Variants in APOB observed in about 807,000 individuals in gnomAD.
The protein encoded by APOB is apolipoprotein B.
A neutral mutation model predicts 314.1 loss-of-function variants in APOB; 153 were observed. The ratio of observed to expected loss-of-function variants is 0.49; its 90% CI spans 0.43 to 0.56. The LOEUF (loss-of-function observed/expected upper bound fraction) is 0.56. Among genes scored for constraint, APOB ranks in the 20% least tolerant of loss-of-function variants. The pLI is 0.00. For synonymous variants in APOB, 2,087 were observed against 2,036.4 expected (o/e 1.02, Z -0.67); for missense variants, 5,430 against 5,350.7 (o/e 1.01, Z -0.46).
intron 15 of APOB, among the ~76,000 whole-genome samples, chr2:21,025,514 T>C (rs1663707521): frequency 1.3e-5 from 2 of 152,144 alleles, no homozygotes; most frequent in Non-Finnish European, 1.5e-5. Flanking sequence ...AAAATGTAGC[T>C]GTTATATAAA....
At chr2:21,031,147 G>A (rs545558841) in intron 10 of APOB, among the ~76,000 whole-genome samples, 101 of 152,342 alleles carry the variant, frequency 6.6e-4, no homozygotes, top group African/African-American at 2.3e-3. Flanking sequence ...AAGGAAACCT[G>A]CACCCATATG....
Position 21,006,250 on chromosome 2 carries a change from C to T in APOB, c.10618G>A (p.Asp3540Asn). 1 of 1,614,034 alleles carries T rather than the reference C, an allele frequency of 6.2e-7. No individual in the cohort carries two copies. The highest frequency in any genetic ancestry group is 8.5e-7 in the Non-Finnish European group (1 of 1,179,972). Residue 3540 changes from aspartate (D) to asparagine (N), a missense_variant, in exon 26 of 29, where the codon GAT becomes AAT. Around this residue, in one of 3 missense-constraint regions of APOB, gnomAD observed 3,281 missense variants for 3,171.0 expected, o/e 1.03. Transcript: ENST00000233242. Reference protein sequence around the residue: ...VKLQGTSKIDDIWNLEVKENF... With the variant: ...VKLQGTSKIDNIWNLEVKENF... ...TCTTTTACTTCAAGGTTCCAGATATCATCAATTTTGGAAGTGCCCTGCAGC... is the reference window on the plus strand; with the variant it reads ...TCTTTTACTTCAAGGTTCCAGATATTATCAATTTTGGAAGTGCCCTGCAGC...
intron 20 of APOB, 43 bp from the exon 21 acceptor site, chr2:21,016,692 G>A: frequency 7.2e-7 from 1 of 1,380,824 alleles, no homozygotes; most frequent in Non-Finnish European, 1.0e-6. Context: ...GTGGTAAGAA[G>A]CTATGTTTTG....
chr2:21,019,045 T>A lies in APOB; in HGVS notation c.3068A>T (p.Gln1023Leu). 2 of 1,614,116 alleles carry A rather than the reference T, an allele frequency of 1.2e-6. No individual in the cohort carries two copies. Among genetic ancestry groups the A allele is most frequent in the Non-Finnish European group, 8.5e-7 (1 of 1,180,020 alleles). ...QYSVSATYEL[Q>L]REDRALVDTL... Reference sequence around the variant, plus strand: ...ATCCACCAAGGCTCTGTCCTCTCTCTGGAGCTCATAGGTTGCGCTGACAGA... The same window carrying A: ...ATCCACCAAGGCTCTGTCCTCTCTCAGGAGCTCATAGGTTGCGCTGACAGA... The change falls in exon 20 of 29, where the codon CAG (glutamine) becomes CTG (leucine). Residue 1023 changes from glutamine (Q) to leucine (L), a missense_variant. Gln to Leu is a moderately radical substitution (Grantham distance 113, BLOSUM62 -2). Around this residue, in one of 3 missense-constraint regions of APOB, gnomAD observed 2,085 missense variants for 2,079.7 expected, o/e 1.00. Coordinates refer to ENST00000233242, the MANE Select transcript of APOB (RefSeq NM_000384.3).
At position 21,008,306 on chromosome 2, in the gene APOB, T is replaced by G. The variant is rs1300726104; in HGVS notation, c.8562A>C (p.Ser2854=). ...CTGTGTGTAAACTTGCCACTGTGTT[T>G]GATTTTCCCTCAATAGCATTTCCAA... ...LFFGNAIEGK[S]NTVASLHTEK... is the part of the protein sequence containing the mutation. Residue 2854 remains serine, a synonymous_variant, in exon 26 of 29, where the codon TCA becomes TCC. Coordinates refer to ENST00000233242, the MANE Select transcript of APOB (RefSeq NM_000384.3). 2 of 1,613,362 alleles carry G rather than the reference T, an allele frequency of 1.2e-6. No individual in the cohort carries two copies. Among genetic ancestry groups the G allele is most frequent in the Non-Finnish European group, 1.7e-6 (2 of 1,179,408 alleles).
At chr2:21,019,973 A>C in intron 18 of APOB, 68 bp from the exon 19 acceptor site, 26 of 1,501,954 alleles carry the variant, frequency 1.7e-5, no homozygotes, top group Middle Eastern at 1.7e-4. Flanking sequence ...ACAAATTCTC[A>C]GGGTGCAAAT....
rs1045163743 is a variant in APOB, at chr2:21,015,103, A to T, written c.3666T>A (p.Thr1222=). ...TTAATTTGGAACCCACGTGCCGGAA[A>T]GTCATGTCTGTTTGAGGGACTCTGT... ...LDHRVPQTDM[T]FRHVGSKLIV... The change falls in exon 23 of 29, where the codon ACT becomes ACA. Residue 1222 remains threonine, a synonymous_variant. Transcript: ENST00000233242. The T allele has an allele frequency of 3.1e-6, 5 of 1,614,216 alleles. No homozygotes were observed. The highest frequency in any genetic ancestry group is 4.2e-6 in the Non-Finnish European group (5 of 1,180,048).
intron 20 of APOB, among the ~76,000 whole-genome samples, chr2:21,018,712 T>C (rs988979228): frequency 6.6e-6 from 1 of 152,208 alleles, no homozygotes; most frequent in Non-Finnish European, 1.5e-5. Flanking sequence ...GTTTTCCTCC[T>C]CAGTACTTAT....
rs775274391 is a variant in APOB at position 21,009,688 on chromosome 2, C to A, written c.7180G>T (p.Val2394Phe). ...VKIKDYFEKL[V>F]GFIDDAVKKL... is the part of the protein sequence containing the mutation. ...TTGACAGCATCATCAATAAATCCAA[C>A]CAATTTCTCAAAGTAATCTTTTATC... Residue 2394 changes from valine to phenylalanine, a missense_variant, in exon 26 of 29, where the codon GTT (valine) becomes TTT (phenylalanine). Physicochemically the swap from Val to Phe is conservative, Grantham distance 50 (BLOSUM62 -1). Coordinates refer to ENST00000233242, the MANE Select transcript of APOB (RefSeq NM_000384.3). 13 of 1,613,124 alleles carry A rather than the reference C, an allele frequency of 8.1e-6. No homozygotes were observed. Among genetic ancestry groups the A allele is most frequent in the African/African-American group, 5.3e-5 (4 of 74,892 alleles).
At chr2:21,039,987 G>A (rs12720787) in intron 4 of APOB, among the ~76,000 whole-genome samples, 1,919 of 152,262 alleles carry the variant, frequency 0.013, 37 homozygotes, top group African/African-American at 0.044. Context: ...ATTTCGTCTC[G>A]TAGCTCTCAT....
chr2:21,036,290 T>A (rs1664001391), intron 6 of APOB, among the ~76,000 whole-genome samples: 1 of 152,000 alleles, frequency 6.6e-6, no homozygotes, highest in South Asian at 2.1e-4. Context: ...CTGCCCAGAG[T>A]GGGGTTGAGC....
rs745419215 is a variant in APOB at position 21,007,784 on chromosome 2, C to G, written c.9084G>C (p.Lys3028Asn). 36 of 1,613,918 alleles carry G rather than the reference C, an allele frequency of 2.2e-5. No individual in the cohort carries two copies. Among genetic ancestry groups the G allele is most frequent in the Non-Finnish European group, 2.7e-5 (32 of 1,179,958 alleles). The change falls in exon 26 of 29, where the codon AAG (lysine) becomes AAC (asparagine). Residue 3028 changes from lysine (K) to asparagine (N), a missense_variant. Transcript: ENST00000233242. ...TGRHDAHLNG[K>N]VIGTLKNSLF... ...GAGAATTTTTCAAAGTTCCAATAAC[C>G]TTTCCATTTAAATGAGCATCATGCC...
At position 21,010,625 on chromosome 2, in the gene APOB, A is replaced by T; in HGVS notation, c.6243T>A (p.Phe2081Leu). 1 of 1,614,100 alleles carries T rather than the reference A, an allele frequency of 6.2e-7. No homozygotes were observed. Among genetic ancestry groups the T allele is most frequent in the Non-Finnish European group, 8.5e-7 (1 of 1,179,996 alleles). The change falls in exon 26 of 29, where the codon TTT (phenylalanine) becomes TTA (leucine). Residue 2081 changes from phenylalanine (F) to leucine (L), a missense_variant. By Grantham distance (22) the Phe-to-Leu change is conservative. Coordinates refer to ENST00000233242, the MANE Select transcript of APOB (RefSeq NM_000384.3). ...LPFFETLQEY[F>L]ERNRQTIIVV... ...CTATAATGGTTTGTCGATTCCTCTC[A>T]AAATATTCTTGCAAGGTCTCAAAAA...
chr2:21,023,378 A>T, intron 17 of APOB, 147 bp downstream of exon 17: 1 of 949,888 alleles, frequency 1.1e-6, no homozygotes, highest in South Asian at 1.4e-5. Flanking sequence ...GGAAGCTTGA[A>T]GTTTTTCATA....
chr2:21,026,844 C>T lies in APOB; in HGVS notation c.2188G>A (p.Val730Ile), dbSNP rs12691202. 52,966 of 1,613,814 alleles carry T rather than the reference C, an allele frequency of 0.033. 980 individuals are homozygous for T. Among genetic ancestry groups the T allele is most frequent in the Non-Finnish European group, 0.037 (44,074 of 1,179,714 alleles). Residue 730 changes from valine to isoleucine, a missense_variant, in exon 15 of 29, where the codon GTC becomes ATC. Around this residue, in one of 3 missense-constraint regions of APOB, gnomAD observed 2,085 missense variants for 2,079.7 expected, o/e 1.00. Coordinates refer to ENST00000233242, the MANE Select transcript of APOB (RefSeq NM_000384.3). ...YWVNGQVPDG[V>I]SKVLVDHFGY... ...AAGTGGTCCACTAAGACCTTAGAGA[C>T]ACCATCAGGAACTTGACCATTAACC...
chr2:21,036,457 T>C lies in APOB; in HGVS notation c.693+643A>G, dbSNP rs12720853. ...GATTGCCCAAGTTATTCATGTTCAC[T>C]GAGACAGGCTGGGGCTCATATCAGG... On this transcript the variant is annotated intron_variant, in intron 6 of 28. Coordinates refer to ENST00000233242, the MANE Select transcript of APOB (RefSeq NM_000384.3). Among the ~76,000 whole-genome samples the C allele has an allele frequency of 7.1e-3, 1,085 of 152,308 alleles. 10 individuals are homozygous for C. Among genetic ancestry groups the C allele is most frequent in the African/African-American group, 0.025 (1,033 of 41,572 alleles).
intron 26 of APOB, 99 bp downstream of exon 26, chr2:21,004,981 G>T (rs1663087924): frequency 2.7e-6 from 4 of 1,505,644 alleles, no homozygotes; most frequent in Non-Finnish European, 9.1e-7. Context: ...GTGACATTGA[G>T]TAATTGTACA....
chr2:21,006,634 T>G lies in APOB; in HGVS notation c.10234A>C (p.Ser3412Arg). 6.2e-7 allele frequency: 1 copy of G among 1,614,104 alleles called. No individual in the cohort carries two copies. Among genetic ancestry groups the G allele is most frequent in the Non-Finnish European group, 8.5e-7 (1 of 1,179,976 alleles). Residue 3412 changes from serine (S) to arginine (R), a missense_variant, in exon 26 of 29, where the codon AGT (serine) becomes CGT (arginine). Coordinates refer to ENST00000233242, the MANE Select transcript of APOB (RefSeq NM_000384.3). ...TTTTTCGTGGTTAAGCTCACAGTACTGTTATGACTACCCTCCACAAATTTG... is the reference window on the plus strand; with the variant it reads ...TTTTTCGTGGTTAAGCTCACAGTACGGTTATGACTACCCTCCACAAATTTG... ...SNKFVEGSHN[S>R]TVSLTTKNME...
rs781117588 is a variant in APOB, at chr2:21,005,596, C to T, written c.11272G>A (p.Val3758Ile). ...CTGAAGTCAAGTTTGCACGATGGAACCTGAAGATCTGTAAATGGGACATGG... is the reference window on the plus strand; with the variant it reads ...CTGAAGTCAAGTTTGCACGATGGAATCTGAAGATCTGTAAATGGGACATGG... ...TFHVPFTDLQ[V>I]PSCKLDFREI... The change falls in exon 26 of 29, where the codon GTT (valine) becomes ATT (isoleucine). Residue 3758 changes from valine to isoleucine, a missense_variant. Around this residue, in one of 3 missense-constraint regions of APOB, gnomAD observed 3,281 missense variants for 3,171.0 expected, o/e 1.03. Transcript: ENST00000233242. The T allele has an allele frequency of 3.7e-6, 6 of 1,613,968 alleles. No individual in the cohort carries two copies. The South Asian group carries it at 5.5e-5, about 15-fold the overall frequency.
Sources: gnomAD v4.1 joint callset for allele counts (sites outside exome capture counted in the v4.1 genomes callset) on GRCh38, gnomAD v4.1.1 for gene constraint, gnomAD v4.1.1 regional missense constraint, MANE v1.5 for transcripts, NCBI Gene and HGNC (gene_info 2026-07-23, HGNC 2026-07-21) for gene names.